The following ABHD12 variants were observed in gnomAD, a reference collection of about 807,000 sequenced individuals.
ABHD12 encodes lysophosphatidylserine lipase ABHD12.
ABHD12 carries 43 observed loss-of-function variants against 58.3 expected under a neutral mutation model. The ratio of observed to expected loss-of-function variants is 0.74; its 90% CI spans 0.58 to 0.95. The LOEUF is 0.95. Ranked by LOEUF, ABHD12 falls within the 40% of genes least tolerant of loss-of-function variation. The probability of loss-of-function intolerance (pLI) is 0.00; values close to 1 mark genes in which losing one functional copy is unlikely to be tolerated. For missense variants in ABHD12, 539 were observed against 537.2 expected (o/e 1.00, Z -0.03); for synonymous variants, 219 against 211.2 (o/e 1.04, Z -0.32).
chr20:25,390,747 G>GCCGCCTA lies in ABHD12; in HGVS notation c.-45_-44insTAGGCGG. ...AGCCGCCGACGGCGCCCGCTGGCCT[G>GCCGCCTA]CGCCGCAGTGCCGCCGCTCACAGCC... On this transcript the variant is annotated 5_prime_UTR_variant, in exon 1 of 13. Coordinates refer to ENST00000339157, the MANE Select transcript of ABHD12 (RefSeq NM_001042472.3). 1 of 353,842 alleles carries GCCGCCTA rather than the reference G, an allele frequency of 2.8e-6. No homozygotes were observed. The highest frequency in any genetic ancestry group is 4.0e-6 in the Non-Finnish European group (1 of 252,808). 21.9% of individuals were successfully genotyped at this position (353,842 alleles called of 1,614,324 possible). A position where few individuals can be genotyped will look rare whatever the true frequency, so the allele number is the denominator to read the frequency against.
chr20:25,341,390 G>C (rs935252828), intron 1 of ABHD12, among the ~76,000 whole-genome samples: 1 of 152,186 alleles, frequency 6.6e-6, no homozygotes, highest in African/African-American at 2.4e-5. Flanking sequence ...AGTTTAAAAT[G>C]TCATCTTAAA....
At chr20:25,360,706 A>G (rs2089734804) in intron 1 of ABHD12, among the ~76,000 whole-genome samples, 1 of 152,232 alleles carries the variant, frequency 6.6e-6, no homozygotes. Flanking sequence ...ACAGAAGGAC[A>G]GGAATTAAGG....
intron 2 of ABHD12, among the ~76,000 whole-genome samples, chr20:25,334,004 G>C (rs1185547274): frequency 2.0e-5 from 3 of 152,150 alleles, no homozygotes; most frequent in African/African-American, 4.8e-5. Flanking sequence ...ATTAGGAAAA[G>C]AGGAAGTCAA....
rs370499416 is a variant in ABHD12 at position 25,376,806 on chromosome 20, AATGG to A, written c.191+13703_191+13706del. Among the ~76,000 whole-genome samples, 1,099 of 152,344 alleles carry A rather than the reference AATGG, an allele frequency of 7.2e-3. 7 individuals carry two copies. The highest frequency in any genetic ancestry group is 0.02 in the Middle Eastern group (6 of 294). ...GTCAACGAAAAAGACATACTTGCTA[AATGG>A]ATGGAAGAACACAGGAGCAATACTC... is the stretch of plus-strand genomic sequence containing the variant. On this transcript the variant is annotated intron_variant, in intron 1 of 12. Coordinates refer to ENST00000339157, the MANE Select transcript of ABHD12 (RefSeq NM_001042472.3).
chr20:25,341,503 C>T (rs960197801), intron 1 of ABHD12, among the ~76,000 whole-genome samples: 1 of 152,202 alleles, frequency 6.6e-6, no homozygotes, highest in Non-Finnish European at 1.5e-5. Flanking sequence ...CCATCACTTA[C>T]TAGCTGTGCA....
chr20:25,309,304 T>TA, intron 7 of ABHD12, 142 bp downstream of exon 7: 5 of 1,250,686 alleles, frequency 4.0e-6, no homozygotes, highest in Non-Finnish European at 4.5e-6. Flanking sequence ...CTCCTGCCTC[T>TA]GCCATGGGGA....
chr20:25,370,957 T>C (rs1600866426), intron 1 of ABHD12, among the ~76,000 whole-genome samples: 1 of 151,890 alleles, frequency 6.6e-6, no homozygotes, highest in Non-Finnish European at 1.5e-5. Flanking sequence ...AGTACTGGGA[T>C]TACAGGTGTG....
intron 1 of ABHD12, among the ~76,000 whole-genome samples, chr20:25,385,291 C>T (rs1456023371): frequency 8.5e-6 from 1 of 117,734 alleles, no homozygotes; most frequent in Non-Finnish European, 1.6e-5. Flanking sequence ...GAGCCAAGAT[C>T]ATGCCATTGC....
rs372341181 is a variant in ABHD12 at position 25,308,512 on chromosome 20, C to T, written c.750-18G>A. ...TCGCCACGCTAGGAAAAAAGAAAAA[C>T]AGCTTAGTTGAGTTATGATAAAATT... On this transcript the variant is annotated intron_variant, in intron 7 of 12. Transcript: ENST00000339157. The T allele has an allele frequency of 1.2e-6, 2 of 1,604,764 alleles. No individual in the cohort carries two copies. Among genetic ancestry groups the T allele is most frequent in the African/African-American group, 2.7e-5 (2 of 74,796 alleles).
At chr20:25,365,125 T>C (rs58953621) in intron 1 of ABHD12, among the ~76,000 whole-genome samples, 2,275 of 152,362 alleles carry the variant, frequency 0.015, 52 homozygotes, top group African/African-American at 0.046. Context: ...TAAAGATTAA[T>C]ACTCTACATG....
At chr20:25,296,769 G>A (rs2088553663), downstream of ABHD12, 2 of 506,790 alleles carry the variant, frequency 3.9e-6, no homozygotes, top group South Asian at 4.7e-5. Flanking sequence ...GGCCAGCCCT[G>A]CAGCTTCAGC....
chr20:25,354,564 T>C (rs907698183), intron 1 of ABHD12, among the ~76,000 whole-genome samples: 4 of 152,214 alleles, frequency 2.6e-5, no homozygotes, highest in African/African-American at 7.2e-5. Context: ...GTGTACAAGA[T>C]GCACTGTCCA....
chr20:25,308,420 G>A (rs2088786445), intron 8 of ABHD12, 37 bp downstream of exon 8: 3 of 1,605,150 alleles, frequency 1.9e-6, no homozygotes, highest in Non-Finnish European at 2.6e-6. Context: ...CACCCTGAAT[G>A]CTCACTGCCA....
At chr20:25,343,129 G>A (rs925952236) in intron 1 of ABHD12, among the ~76,000 whole-genome samples, 1 of 152,142 alleles carries the variant, frequency 6.6e-6, no homozygotes, top group Non-Finnish European at 1.5e-5. Flanking sequence ...GTACACTGTT[G>A]TCTTAGACAA....
At chr20:25,362,552 C>T (rs1429820757) in intron 1 of ABHD12, among the ~76,000 whole-genome samples, 3 of 122,338 alleles carry the variant, frequency 2.5e-5, no homozygotes, top group African/African-American at 6.4e-5. Context: ...GGTCACAGAG[C>T]GAGACTCTGT....
At chr20:25,297,026 C>G (rs1416088013), downstream of ABHD12, 1 of 163,734 alleles carries the variant, frequency 6.1e-6, no homozygotes, top group Admixed American at 5.6e-5. Context: ...CCTGGCCATG[C>G]CGGGAGGGGT....
At chr20:25,367,430 C>T (rs1568765305) in intron 1 of ABHD12, among the ~76,000 whole-genome samples, 1 of 152,182 alleles carries the variant, frequency 6.6e-6, no homozygotes. Flanking sequence ...ACAAAATTTA[C>T]CATCATAACC....
At position 25,303,540 on chromosome 20, in the gene ABHD12, C is replaced by T; in HGVS notation, c.1029+10G>A. 6.2e-7 allele frequency: 1 copy of T among 1,613,218 alleles called. No individual in the cohort carries two copies. The highest frequency in any genetic ancestry group is 8.5e-7 in the Non-Finnish European group (1 of 1,179,850). ...TGCCAGCTACACCAGAGGCAGAGGC[C>T]AGGACCCACCTTTCTGCCAAGCTGG... On this transcript the variant is annotated intron_variant, in intron 11 of 12. Transcript: ENST00000339157.
intron 2 of ABHD12, among the ~76,000 whole-genome samples, chr20:25,329,168 TCCACC>T (rs1177377837): frequency 1.3e-5 from 2 of 152,046 alleles, no homozygotes; most frequent in Non-Finnish European, 2.9e-5. Flanking sequence ...CTGGCTGGAG[TCCACC>T]CTGCCCAGGC....
Sources: allele counts gnomAD v4.1 joint callset (sites outside exome capture counted in the v4.1 genomes callset), GRCh38; gene constraint gnomAD v4.1.1; transcripts MANE v1.5; gene names NCBI Gene and HGNC (gene_info 2026-07-23, HGNC 2026-07-21).